The following ITM2B variants were observed in gnomAD, a reference collection of about 807,000 sequenced individuals.
ITM2B encodes ABri/ADan amyloid peptide.
ITM2B carries 11 observed loss-of-function variants against 27.8 expected under a neutral mutation model. The ratio of observed to expected loss-of-function variants is 0.40; its 90% CI spans 0.25 to 0.66. The LOEUF (loss-of-function observed/expected upper bound fraction) is 0.66, where lower values mean the gene tolerates loss of function less well. ITM2B is among the 30% of genes least tolerant of loss of function. The pLI, the probability that ITM2B is intolerant of heterozygous loss-of-function variation, is 0.43. For missense variants in ITM2B, 296 were observed against 328.9 expected (o/e 0.90, Z 0.77); for synonymous variants, 114 against 114.3 (o/e 1.00, Z 0.02).
rs556596916 is a variant in ITM2B at position 48,268,866 on chromosome 13, T to C, written c.*7642T>C. 6.6e-6 allele frequency: 1 copy of C among 152,316 alleles called. No individual in the cohort carries two copies. Among genetic ancestry groups the C allele is most frequent in the African/African-American group, 2.4e-5 (1 of 41,564 alleles). The allele number at this position is 152,316 out of a possible 1,614,324, so 9.4% of individuals were successfully genotyped here. A position where few individuals can be genotyped will look rare whatever the true frequency, so the allele number is the denominator to read the frequency against. On this transcript the variant is annotated 3_prime_UTR_variant, in exon 6 of 6. Transcript: ENST00000647800. ...TGACAATGCAGGAGTCCAAGTATTA[T>C]TAGGTTTACAGTCATAACAAACACC...
At position 48,239,569 on chromosome 13, in the gene ITM2B, C is replaced by T. The variant is rs1951687862; in HGVS notation, c.117+6092C>T. Among the ~76,000 whole-genome samples the T allele has an allele frequency of 2.0e-5, 3 of 152,166 alleles. No homozygotes were observed. In the South Asian group the frequency reaches 6.2e-4, roughly 32 times the overall value. ...ATCGCTTGAATCTGGGAGATGGAGG[C>T]TGCAGTGAGCTGAGATTGCGCCATT... is the stretch of plus-strand genomic sequence containing the variant. On this transcript the variant is annotated intron_variant, in intron 1 of 5. Coordinates refer to ENST00000647800, the MANE Select transcript of ITM2B (RefSeq NM_021999.5).
intron 5 of ITM2B, among the ~76,000 whole-genome samples, chr13:48,259,290 C>T (rs1436970933): frequency 1.3e-5 from 2 of 152,128 alleles, no homozygotes; most frequent in Non-Finnish European, 2.9e-5. Context: ...GGGACCAGCT[C>T]TTCAGCTGTG....
At chr13:48,248,676 T>C (rs774623571) in intron 1 of ITM2B, among the ~76,000 whole-genome samples, 1 of 152,098 alleles carries the variant, frequency 6.6e-6, no homozygotes, top group Non-Finnish European at 1.5e-5. Context: ...GAGCCACACA[T>C]AAAATACACT....
chr13:48,248,489 AT>A (rs919513743), intron 1 of ITM2B, among the ~76,000 whole-genome samples: 26 of 148,792 alleles, frequency 1.7e-4, no homozygotes, highest in Admixed American at 3.3e-4. Context: ...TTTATTTCGA[AT>A]TTTTTTTTTG....
At chr13:48,256,984 G>C (rs1050269196) in intron 3 of ITM2B, among the ~76,000 whole-genome samples, 5 of 152,032 alleles carry the variant, frequency 3.3e-5, no homozygotes, top group African/African-American at 1.2e-4. Context: ...CCTTATCCGT[G>C]GGGGATACAT....
chr13:48,260,724 A>G (rs1951817187), intron 5 of ITM2B, among the ~76,000 whole-genome samples: 2 of 151,994 alleles, frequency 1.3e-5, no homozygotes, highest in African/African-American at 4.8e-5. Flanking sequence ...TGCTGTGTTG[A>G]TTTCTTACAT....
chr13:48,244,562 T>C (rs1465166657), intron 1 of ITM2B, among the ~76,000 whole-genome samples: 1 of 152,230 alleles, frequency 6.6e-6, no homozygotes, highest in Non-Finnish European at 1.5e-5. Context: ...ATTTAAATTA[T>C]GTTATACTTT....
Position 48,261,361 on chromosome 13 carries a change from T to C in ITM2B, c.*137T>C, listed in dbSNP as rs1951821832. 2 of 669,248 alleles carry C rather than the reference T, an allele frequency of 3.0e-6. No individual in the cohort carries two copies. 41.5% of individuals were successfully genotyped at this position (669,248 alleles called of 1,614,324 possible). ...GGGCTTTACTATCTTTTCATCTCAT[T>C]AATTCAATTAAAACCATTACCTTAA... On this transcript the variant is annotated 3_prime_UTR_variant, in exon 6 of 6. Coordinates refer to ENST00000647800, the MANE Select transcript of ITM2B (RefSeq NM_021999.5).
At chr13:48,242,409 C>CTT (rs144306588) in intron 1 of ITM2B, among the ~76,000 whole-genome samples, 2 of 147,266 alleles carry the variant, frequency 1.4e-5, no homozygotes, top group Non-Finnish European at 3.0e-5. Context: ...TTCTTTCTTT[C>CTT]TTTTTTTTTT....
intron 1 of ITM2B, among the ~76,000 whole-genome samples, chr13:48,235,013 C>CATACAT (rs1555274358): frequency 6.7e-6 from 1 of 149,834 alleles, no homozygotes; most frequent in Non-Finnish European, 1.5e-5. Flanking sequence ...AATGCTATCA[C>CATACAT]ATATATATAT....
intron 2 of ITM2B, among the ~76,000 whole-genome samples, chr13:48,255,521 C>G (rs1311519348): frequency 5.3e-5 from 8 of 152,146 alleles, no homozygotes; most frequent in Non-Finnish European, 1.2e-4. Flanking sequence ...TCTTGAACTC[C>G]TGGGCTCAAG....
intron 1 of ITM2B, among the ~76,000 whole-genome samples, chr13:48,245,710 A>G (rs1319308269): frequency 2.0e-5 from 3 of 151,274 alleles, no homozygotes; most frequent in Non-Finnish European, 4.4e-5. Flanking sequence ...CTGCTTTTAT[A>G]TTGCAGGATT....
intron 1 of ITM2B, among the ~76,000 whole-genome samples, chr13:48,248,234 TG>T: frequency 6.6e-6 from 1 of 152,180 alleles, no homozygotes; most frequent in South Asian, 2.1e-4. Context: ...GTGCCTTTTT[TG>T]GGGGGGTCAG....
At chr13:48,241,797 A>G (rs180775312) in intron 1 of ITM2B, among the ~76,000 whole-genome samples, 1 of 152,328 alleles carries the variant, frequency 6.6e-6, no homozygotes, top group Admixed American at 6.5e-5. Context: ...GCTTCTGGAA[A>G]ATTGCACTGT....
rs1028973758 is a variant in ITM2B at position 48,235,909 on chromosome 13, G to A, written c.117+2432G>A. 3.3e-5 allele frequency among the ~76,000 whole-genome samples: 5 copies of A among 152,300 alleles called. No homozygotes were observed. The South Asian group carries it at 1.0e-3, about 32-fold the overall frequency. ...CCACCTGCTCTGGTTTTAAAATGCA[G>A]ATTCTGTTACCTTATGCCACAAGAA... On this transcript the variant is annotated intron_variant, in intron 1 of 5. Coordinates refer to ENST00000647800, the MANE Select transcript of ITM2B (RefSeq NM_021999.5).
intron 5 of ITM2B, among the ~76,000 whole-genome samples, chr13:48,260,268 T>C (rs1951814115): frequency 6.6e-6 from 1 of 152,190 alleles, no homozygotes; most frequent in Non-Finnish European, 1.5e-5. Context: ...TTTGGGTTGG[T>C]TCCAAGTTTG....
chr13:48,234,640 A>G (rs978582274), intron 1 of ITM2B, among the ~76,000 whole-genome samples: 2 of 152,330 alleles, frequency 1.3e-5, no homozygotes, highest in Admixed American at 6.5e-5. Flanking sequence ...ACATCATATT[A>G]TAATTTATTA....
chr13:48,238,984 A>G (rs534056539), intron 1 of ITM2B, among the ~76,000 whole-genome samples: 22 of 152,320 alleles, frequency 1.4e-4, no homozygotes, highest in Non-Finnish European at 2.8e-4. Flanking sequence ...CTCTGCTTAT[A>G]TATGATTATA....
In ITM2B at chr13:48,233,337, T is replaced by C. The variant is rs1951646315; in HGVS notation, c.-24T>C. 1.3e-6 allele frequency: 2 copies of C among 1,495,384 alleles called. No homozygotes were observed. Among genetic ancestry groups the C allele is most frequent in the African/African-American group, 2.9e-5 (2 of 68,800 alleles). The allele number at this position is 1,495,384 out of a possible 1,614,324, so 92.6% of individuals were successfully genotyped here. A position where few individuals can be genotyped will look rare whatever the true frequency, so the allele number is the denominator to read the frequency against. On this transcript the variant is annotated 5_prime_UTR_variant, in exon 1 of 6. Transcript: ENST00000647800. ...CCGCGCCCCGAGCCCGCCGCCGCCC[T>C]TCGAGGGCGCCCCAGGCCGCGCCAT...
Sources: allele counts gnomAD v4.1 joint callset (sites outside exome capture counted in the v4.1 genomes callset), GRCh38; gene constraint gnomAD v4.1.1; transcripts MANE v1.5; gene names NCBI Gene and HGNC (gene_info 2026-07-23, HGNC 2026-07-21).